Variants in ADGRL3 observed in about 807,000 individuals in gnomAD.
The protein encoded by ADGRL3 is calcium-independent alpha-latrotoxin receptor 3.
ADGRL3 carries 62 observed loss-of-function variants against 153.5 expected under a neutral mutation model. The ratio of observed to expected loss-of-function variants is 0.40; its 90% CI spans 0.33 to 0.50. The LOEUF (loss-of-function observed/expected upper bound fraction) is 0.50, where lower values mean the gene tolerates loss of function less well. ADGRL3 is among the 20% of genes least tolerant of loss of function. ADGRL3 has a pLI of 0.47. For missense variants in ADGRL3, 1,641 were observed against 1,859.4 expected (o/e 0.88, Z 2.16); for synonymous variants, 710 against 672.5 (o/e 1.06, Z -0.86).
Position 61,834,946 on chromosome 4 carries a change from A to G in ADGRL3, c.1480+21057A>G, listed in dbSNP as rs144363825. Among the ~76,000 whole-genome samples, 28 of 152,276 alleles carry G rather than the reference A, an allele frequency of 1.8e-4. No homozygotes were observed. In the East Asian group the frequency reaches 5.0e-3, roughly 27 times the overall value. ...TCTCAGTAGGGGTGCAGATGTTTCC[A>G]TATCTTCCATGTGGCCAAGAGCATG... On this transcript the variant is annotated intron_variant, in intron 9 of 26. Transcript: ENST00000683033.
chr4:61,336,624 C>T (rs1578322827), intron 1 of ADGRL3, among the ~76,000 whole-genome samples: 1 of 152,012 alleles, frequency 6.6e-6, no homozygotes. Flanking sequence ...CTCATTACGC[C>T]TTTCAGTTTA....
In ADGRL3 at chr4:61,948,273, T is replaced by A. The variant is rs766795308; in HGVS notation, c.2802T>A (p.Val934=). ...NFAVLMAHVE[V]KHSDAVHDLL... ...CAGTACTGATGGCACATGTGGAAGT[T>A]AAGGTAAGATATATACCATACAATG... is the stretch of plus-strand genomic sequence containing the variant. Residue 934 remains valine (V), a synonymous_variant, in exon 17 of 27, where the codon GTT becomes GTA. Coordinates refer to ENST00000683033, the MANE Select transcript of ADGRL3 (RefSeq NM_001387552.1). The A allele has an allele frequency of 6.2e-7, 1 of 1,611,552 alleles. No individual in the cohort carries two copies. The highest frequency in any genetic ancestry group is 1.1e-5 in the South Asian group (1 of 91,018).
chr4:61,344,676 G>C (rs115445152), intron 1 of ADGRL3, among the ~76,000 whole-genome samples: 28 of 152,012 alleles, frequency 1.8e-4, no homozygotes, highest in Non-Finnish European at 1.5e-5. Flanking sequence ...ATAAAATGAT[G>C]TATCTTTTAA....
At chr4:61,748,895 A>G (rs933645174) in intron 8 of ADGRL3, among the ~76,000 whole-genome samples, 2 of 151,480 alleles carry the variant, frequency 1.3e-5, no homozygotes, top group African/African-American at 4.9e-5. Context: ...CTGCACAGCA[A>G]AAGAAACTAC....
intron 13 of ADGRL3, among the ~76,000 whole-genome samples, chr4:61,917,931 A>T (rs2098752102): frequency 6.6e-6 from 1 of 152,146 alleles, no homozygotes; most frequent in Non-Finnish European, 1.5e-5. Context: ...CTGATAGATC[A>T]TTGTAAGGAC....
At chr4:61,456,257 T>C (rs1188779077) in intron 2 of ADGRL3, among the ~76,000 whole-genome samples, 2 of 150,986 alleles carry the variant, frequency 1.3e-5, no homozygotes, top group African/African-American at 2.4e-5. Context: ...TTTTCATAAG[T>C]AATAGTGAAC....
At chr4:61,832,066 G>T (rs2097877707) in intron 9 of ADGRL3, among the ~76,000 whole-genome samples, 1 of 152,002 alleles carries the variant, frequency 6.6e-6, no homozygotes, top group Admixed American at 6.6e-5. Flanking sequence ...CATTCTTTCT[G>T]CCCTCTAATG....
intron 21 of ADGRL3, among the ~76,000 whole-genome samples, chr4:62,007,879 G>T (rs1255215810): frequency 1.3e-5 from 2 of 152,092 alleles, no homozygotes; most frequent in Non-Finnish European, 2.9e-5. Context: ...GTAACCCTGA[G>T]ACACTCTGAC....
chr4:61,588,444 A>G (rs2098955688), intron 5 of ADGRL3, among the ~76,000 whole-genome samples: 1 of 151,950 alleles, frequency 6.6e-6, no homozygotes, highest in Non-Finnish European at 1.5e-5. Context: ...ATTCATAGTC[A>G]ATATGTTATT....
intron 2 of ADGRL3, among the ~76,000 whole-genome samples, chr4:61,472,371 G>T (rs974458224): frequency 6.6e-6 from 1 of 152,056 alleles, no homozygotes; most frequent in African/African-American, 2.4e-5. Context: ...TTATGAGGTT[G>T]CAGTAAAACT....
intron 8 of ADGRL3, among the ~76,000 whole-genome samples, chr4:61,813,089 G>A (rs371635005): frequency 2.0e-5 from 3 of 152,164 alleles, no homozygotes; most frequent in South Asian, 2.1e-4. Context: ...CAGAAATTGC[G>A]AGAGTTTAGA....
chr4:61,469,383 T>C (rs1214142084), intron 2 of ADGRL3, among the ~76,000 whole-genome samples: 2 of 152,096 alleles, frequency 1.3e-5, no homozygotes, highest in African/African-American at 4.8e-5. Context: ...GACAAGCACA[T>C]AGTAAGTATT....
At chr4:61,534,073 T>G (rs763424201) in intron 4 of ADGRL3, among the ~76,000 whole-genome samples, 1 of 152,102 alleles carries the variant, frequency 6.6e-6, no homozygotes, top group African/African-American at 2.4e-5. Context: ...GGGTTTTTGT[T>G]GTTTCAGGTT....
At chr4:61,421,734 G>T (rs1368680126) in intron 2 of ADGRL3, among the ~76,000 whole-genome samples, 1 of 151,894 alleles carries the variant, frequency 6.6e-6, no homozygotes, top group East Asian at 1.9e-4. Context: ...ATTAAGTAAA[G>T]GTATATTAGG....
chr4:61,353,531 T>C (rs1578397141), intron 1 of ADGRL3, among the ~76,000 whole-genome samples: 1 of 152,086 alleles, frequency 6.6e-6, no homozygotes, highest in Middle Eastern at 3.4e-3. Context: ...AAAGAGGTGT[T>C]TTAATAGGTA....
At chr4:61,475,596 T>C (rs964758679) in intron 2 of ADGRL3, among the ~76,000 whole-genome samples, 2 of 148,214 alleles carry the variant, frequency 1.3e-5, no homozygotes, top group African/African-American at 5.0e-5. Context: ...AGTGTAGATC[T>C]TGATTAATAT....
At chr4:61,846,048 C>T (rs2098112744) in intron 9 of ADGRL3, among the ~76,000 whole-genome samples, 1 of 152,044 alleles carries the variant, frequency 6.6e-6, no homozygotes, top group Admixed American at 6.6e-5. Context: ...GGTATGGTGG[C>T]TGAGGTCTGT....
intron 9 of ADGRL3, among the ~76,000 whole-genome samples, chr4:61,848,338 G>A (rs1405363447): frequency 6.6e-6 from 1 of 150,858 alleles, no homozygotes; most frequent in Non-Finnish European, 1.5e-5. Context: ...AGCCTCTAGG[G>A]TAGGATCCTT....
intron 1 of ADGRL3, among the ~76,000 whole-genome samples, chr4:61,274,816 C>A (rs2093384054): frequency 6.6e-6 from 1 of 152,022 alleles, no homozygotes; most frequent in Admixed American, 6.6e-5. Flanking sequence ...CGCTTGTTGT[C>A]ATTGCAACGT....
Sources: allele counts gnomAD v4.1 joint callset (sites outside exome capture counted in the v4.1 genomes callset), GRCh38; gene constraint gnomAD v4.1.1; transcripts MANE v1.5; gene names NCBI Gene and HGNC (gene_info 2026-07-23, HGNC 2026-07-21).